ATP5MF: variants seen among roughly 807,000 people sequenced by gnomAD.
ATP5MF encodes ATP synthase F(0) complex subunit f, mitochondrial.
A neutral mutation model predicts 13.8 loss-of-function variants in ATP5MF; 10 were observed. The observed-to-expected ratio is 0.72, with a 90% confidence interval of 0.45 to 1.23. The LOEUF is 1.23. Ranked by LOEUF, ATP5MF falls within the 50% of genes most tolerant of loss-of-function variation. The probability of loss-of-function intolerance (pLI) is 0.00; values close to 1 mark genes in which losing one functional copy is unlikely to be tolerated. For synonymous variants in ATP5MF, 40 were observed against 45.8 expected, an observed-to-expected ratio of 0.87 and a Z score of 0.51; for missense variants, 122 against 118.2, an observed-to-expected ratio of 1.03 and a Z score of -0.15.
chr7:99,459,585 G>T, intron 2 of ATP5MF: 1 of 300,146 alleles, frequency 3.3e-6, no homozygotes, highest in Non-Finnish European at 6.3e-6. Context: ...AATTTTTCTT[G>T]TGTGGTTTTT....
chr7:99,463,613 T>C (rs1012309088), intron 1 of ATP5MF, among the ~76,000 whole-genome samples: 5 of 151,990 alleles, frequency 3.3e-5, no homozygotes, highest in African/African-American at 9.7e-5. Flanking sequence ...CCATCTCTAC[T>C]AAAAATACAA....
intron 1 of ATP5MF, among the ~76,000 whole-genome samples, chr7:99,461,909 C>G (rs1049817217): frequency 6.7e-6 from 1 of 150,294 alleles, no homozygotes; most frequent in South Asian, 2.1e-4. Context: ...CTGCCCACCT[C>G]GGCCCCCCAA....
At chr7:99,459,738 T>A in intron 2 of ATP5MF, 1 of 268,062 alleles carries the variant, frequency 3.7e-6, no homozygotes, top group Non-Finnish European at 7.1e-6. Context: ...CAAATATTTG[T>A]CCTGAAGTTC....
chr7:99,463,105 G>C (rs1025261290), intron 1 of ATP5MF, among the ~76,000 whole-genome samples: 16 of 152,324 alleles, frequency 1.1e-4, no homozygotes, highest in African/African-American at 3.8e-4. Flanking sequence ...CTTTCTGCCT[G>C]GTTATGAGCT....
intron 3 of ATP5MF, 135 bp downstream of exon 3, chr7:99,459,012 T>C (rs1422236356): frequency 1.6e-6 from 1 of 644,898 alleles, no homozygotes; most frequent in Non-Finnish European, 2.7e-6. Flanking sequence ...CCTCCAATTC[T>C]TTTAGGTGGA....
At chr7:99,462,952 C>T (rs1798684150) in intron 1 of ATP5MF, among the ~76,000 whole-genome samples, 1 of 152,220 alleles carries the variant, frequency 6.6e-6, no homozygotes, top group African/African-American at 2.4e-5. Flanking sequence ...CAGAGCAGAC[C>T]CTTGGGTCTA....
chr7:99,466,137 G>A lies in ATP5MF; in HGVS notation c.5C>T (p.Ala2Val), dbSNP rs201512015. ...TGGGGCCGGACACTCACCAACTGAC[G>A]CCATTTTGGAGTCCTGGTGTCCGCT... M[A>V]SVGECPAPVP... Residue 2 changes from alanine (A) to valine (V), a missense_variant, in exon 1 of 4, where the codon GCG (alanine) becomes GTG (valine). Physicochemically the swap from Ala to Val is moderately conservative, Grantham distance 64. Transcript: ENST00000292475. 9 of 1,614,178 alleles carry A rather than the reference G, an allele frequency of 5.6e-6. No individual in the cohort carries two copies. Among genetic ancestry groups the A allele is most frequent in the African/African-American group, 5.3e-5 (4 of 75,062 alleles).
chr7:99,460,424 C>T (rs886979382), intron 1 of ATP5MF: 60 of 696,234 alleles, frequency 8.6e-5, no homozygotes, highest in Admixed American at 1.2e-4. Context: ...ACCAACAGGA[C>T]GTCTGAGTAA....
chr7:99,465,567 G>A (rs1270398295), intron 1 of ATP5MF, among the ~76,000 whole-genome samples: 1 of 152,170 alleles, frequency 6.6e-6, no homozygotes, highest in African/African-American at 2.4e-5. Flanking sequence ...CCGTCCTAGA[G>A]AATAAAGTTC....
At chr7:99,463,220 T>C (rs1215061684) in intron 1 of ATP5MF, among the ~76,000 whole-genome samples, 1 of 152,248 alleles carries the variant, frequency 6.6e-6, no homozygotes, top group Non-Finnish European at 1.5e-5. Flanking sequence ...TTCATTACTA[T>C]GAAGCCACAT....
intron 1 of ATP5MF, chr7:99,460,592 G>A (rs1308020829): frequency 1.4e-5 from 7 of 492,586 alleles, no homozygotes; most frequent in Non-Finnish European, 2.8e-5. Context: ...AGGGGAGGGG[G>A]GATAGACTCA....
intron 1 of ATP5MF, among the ~76,000 whole-genome samples, chr7:99,463,047 T>G (rs2151030711): frequency 6.6e-6 from 1 of 152,358 alleles, no homozygotes; most frequent in Non-Finnish European, 1.5e-5. Context: ...CTTTGTGAAA[T>G]CCTTGGTACT....
At chr7:99,459,327 A>G in intron 2 of ATP5MF, 64 bp from the exon 3 acceptor site, 4 of 1,247,622 alleles carry the variant, frequency 3.2e-6, no homozygotes, top group Non-Finnish European at 4.7e-6. Flanking sequence ...TTGAGCACAC[A>G]GTTGAGTCTG....
At chr7:99,459,794 T>G in intron 2 of ATP5MF, 1 of 363,138 alleles carries the variant, frequency 2.8e-6, no homozygotes. Context: ...CCCACTACGG[T>G]TCCAATTCAT....
At chr7:99,460,058 C>A (rs764118027) in intron 2 of ATP5MF, 28 bp downstream of exon 2, 15 of 1,581,394 alleles carry the variant, frequency 9.5e-6, no homozygotes, top group Non-Finnish European at 1.3e-5. Context: ...GATTTGCTTT[C>A]ATTTACAGAC....
chr7:99,459,923 C>A (rs1798522116), intron 2 of ATP5MF, 163 bp downstream of exon 2: 1 of 757,934 alleles, frequency 1.3e-6, no homozygotes, highest in Non-Finnish European at 2.1e-6. Context: ...AAGGGCCAAT[C>A]AACCACAGAA....
At chr7:99,458,491 T>G in intron 3 of ATP5MF, 136 bp from the exon 4 acceptor site, 1 of 881,108 alleles carries the variant, frequency 1.1e-6, no homozygotes, top group Non-Finnish European at 1.7e-6. Context: ...CGCCTGCCGG[T>G]GTCTCTGCAG....
chr7:99,461,118 G>A (rs949909234), intron 1 of ATP5MF, among the ~76,000 whole-genome samples: 1 of 152,198 alleles, frequency 6.6e-6, no homozygotes, highest in African/African-American at 2.4e-5. Context: ...TGGAGGGCCA[G>A]GGAGTGGGTG....
rs762907766 is a variant in ATP5MF, at chr7:99,460,101, C to T, written c.124G>A (p.Gly42Arg). ...AGGCTCTGACCTCTTTGAAACGCTCCGAAAATGCCACTAGGACTGAAGTCC... is the reference window on the plus strand; with the variant it reads ...AGGCTCTGACCTCTTTGAAACGCTCTGAAAATGCCACTAGGACTGAAGTCC... ...MRDFSPSGIFGAFQRGYYRYY... is the reference protein window; with the variant it reads ...MRDFSPSGIFRAFQRGYYRYY... The change falls in exon 2 of 4, where the codon GGA (glycine) becomes AGA (arginine). Residue 42 changes from glycine to arginine, a missense_variant. Physicochemically the swap from Gly to Arg is moderately radical, Grantham distance 125. Transcript: ENST00000292475. 9.3e-6 allele frequency: 15 copies of T among 1,613,326 alleles called. No individual in the cohort carries two copies. Among genetic ancestry groups the T allele is most frequent in the East Asian group, 6.7e-5 (3 of 44,898 alleles).
Sources: gnomAD v4.1 joint callset for allele counts (sites outside exome capture counted in the v4.1 genomes callset) on GRCh38, gnomAD v4.1.1 for gene constraint, MANE v1.5 for transcripts, NCBI Gene and HGNC (gene_info 2026-07-23, HGNC 2026-07-21) for gene names.